CD8B2: variants seen among roughly 807,000 people sequenced by gnomAD.
The protein encoded by CD8B2 is T-cell surface glycoprotein CD8 beta-2 chain.
In CD8B2, 11 loss-of-function variants were observed where a neutral mutation model predicts 23.7. That is an observed-to-expected ratio of 0.46 (90% CI 0.29 to 0.77). CD8B2 has a LOEUF of 0.77. CD8B2 is among the 30% of genes least tolerant of loss of function. The probability of loss-of-function intolerance (pLI) is 0.09; values close to 1 mark genes in which losing one functional copy is unlikely to be tolerated. For missense variants in CD8B2, 197 were observed against 270.5 expected (o/e 0.73, Z 1.91); for synonymous variants, 90 against 109.3 (o/e 0.82, Z 1.10).
At chr2:106,543,407 A>G (rs910284387) in intron 5 of CD8B2, among the ~76,000 whole-genome samples, 1 of 152,080 alleles carries the variant, frequency 6.6e-6, no homozygotes, top group Non-Finnish European at 1.5e-5. Context: ...GCACCCACCT[A>G]TGGTCCCAGC....
chr2:106,541,779 G>A (rs1680177688), intron 5 of CD8B2, among the ~76,000 whole-genome samples: 1 of 152,154 alleles, frequency 6.6e-6, no homozygotes, highest in African/African-American at 2.4e-5. Flanking sequence ...ATTGCAGGTT[G>A]CAGTTTAAAA....
chr2:106,534,007 C>T (rs1329532316), intron 5 of CD8B2, among the ~76,000 whole-genome samples: 1 of 152,228 alleles, frequency 6.6e-6, no homozygotes, highest in Non-Finnish European at 1.5e-5. Flanking sequence ...AAGCCTCCTG[C>T]TGGGAGTCCT....
intron 5 of CD8B2, among the ~76,000 whole-genome samples, chr2:106,530,336 G>C (rs1679974083): frequency 6.6e-6 from 1 of 152,016 alleles, no homozygotes; most frequent in South Asian, 2.1e-4. Flanking sequence ...AACAGGGAGG[G>C]AGGTTTTGCC....
intron 2 of CD8B2, among the ~76,000 whole-genome samples, chr2:106,494,377 A>G (rs920728700): frequency 1.7e-4 from 26 of 151,776 alleles, no homozygotes; most frequent in Non-Finnish European, 2.9e-4. Context: ...TGGATTCCTG[A>G]CCTCAGGTGA....
intron 3 of CD8B2, among the ~76,000 whole-genome samples, chr2:106,502,013 T>C (rs1158628007): frequency 1.3e-5 from 2 of 152,048 alleles, no homozygotes; most frequent in Non-Finnish European, 2.9e-5. Context: ...GACTAGACGA[T>C]GGCTGGACAT....
At chr2:106,501,823 A>G (rs1467695005) in intron 3 of CD8B2, among the ~76,000 whole-genome samples, 2 of 152,262 alleles carry the variant, frequency 1.3e-5, no homozygotes, top group Non-Finnish European at 2.9e-5. Flanking sequence ...CTAATCCTAT[A>G]TTTAAATGTC....
At chr2:106,489,522 G>C in intron 1 of CD8B2, among the ~76,000 whole-genome samples, 1 of 152,110 alleles carries the variant, frequency 6.6e-6, no homozygotes, top group East Asian at 1.9e-4. Context: ...CCAGGTCTGT[G>C]TCCTCTCTGT....
intron 5 of CD8B2, among the ~76,000 whole-genome samples, chr2:106,520,238 A>C (rs936211012): frequency 1.3e-5 from 2 of 152,252 alleles, no homozygotes; most frequent in African/African-American, 4.8e-5. Flanking sequence ...AGACCCAATA[A>C]ATAAAATCTG....
At chr2:106,514,605 A>C (rs1279233081), downstream of CD8B2, among the ~76,000 whole-genome samples, 2 of 151,376 alleles carry the variant, frequency 1.3e-5, no homozygotes, top group African/African-American at 4.9e-5. Flanking sequence ...CTGTCTTATA[A>C]ATTTTTCCTA....
chr2:106,491,382 C>T, intron 2 of CD8B2, 149 bp downstream of exon 2: 1 of 690,614 alleles, frequency 1.4e-6, no homozygotes. Flanking sequence ...CATGTGGAGA[C>T]TTACCCAGGC....
intron 5 of CD8B2, among the ~76,000 whole-genome samples, chr2:106,537,622 C>G (rs1467567021): frequency 7.2e-6 from 1 of 139,406 alleles, no homozygotes. Context: ...TGCCCTTCAG[C>G]TCTCTAAACA....
intron 5 of CD8B2, among the ~76,000 whole-genome samples, chr2:106,524,255 T>C (rs543946203): frequency 3.9e-5 from 6 of 152,324 alleles, no homozygotes; most frequent in African/African-American, 1.2e-4. Flanking sequence ...AGTTCTATTT[T>C]CATACATGGT....
chr2:106,496,053 C>A (rs1679293551), intron 2 of CD8B2, 120 bp from the exon 3 acceptor site: 1 of 1,508,552 alleles, frequency 6.6e-7, no homozygotes. Flanking sequence ...CTGCCTTGGC[C>A]TCCGGAAGTG....
chr2:106,521,007 AT>A (rs1372834436), intron 5 of CD8B2, among the ~76,000 whole-genome samples: 14 of 147,004 alleles, frequency 9.5e-5, no homozygotes, highest in African/African-American at 2.8e-4. Flanking sequence ...CAAAAAAAAA[AT>A]CATAATGTTT....
intron 4 of CD8B2, 146 bp from the exon 5 acceptor site, chr2:106,504,143 A>G (rs1007833995): frequency 6.4e-6 from 6 of 942,042 alleles, no homozygotes; most frequent in Admixed American, 2.9e-5. Context: ...GGGGATTAAA[A>G]TGTGTAAAGT....
At chr2:106,542,201 T>C (rs962272961) in intron 5 of CD8B2, among the ~76,000 whole-genome samples, 3 of 152,246 alleles carry the variant, frequency 2.0e-5, no homozygotes, top group Non-Finnish European at 4.4e-5. Context: ...TCCGTCTCTG[T>C]TGTCTGCACA....
At chr2:106,522,954 C>T (rs1274299771) in intron 5 of CD8B2, among the ~76,000 whole-genome samples, 2 of 152,110 alleles carry the variant, frequency 1.3e-5, no homozygotes, top group Non-Finnish European at 2.9e-5. Context: ...TAGAGACCCC[C>T]ACTTGACTTA....
At chr2:106,523,094 C>T (rs761419420) in intron 5 of CD8B2, among the ~76,000 whole-genome samples, 3 of 152,166 alleles carry the variant, frequency 2.0e-5, no homozygotes, top group Non-Finnish European at 2.9e-5. Context: ...GGCAAGGGAG[C>T]TCTCAAGGTG....
At chr2:106,540,464 C>T (rs188271741) in intron 5 of CD8B2, among the ~76,000 whole-genome samples, 6 of 152,282 alleles carry the variant, frequency 3.9e-5, no homozygotes, top group African/African-American at 1.2e-4. Context: ...TTTAGCAAGT[C>T]GGCTTGTTGT....
Sources: allele counts gnomAD v4.1 joint callset (sites outside exome capture counted in the v4.1 genomes callset), GRCh38; gene constraint gnomAD v4.1.1; transcripts MANE v1.5; gene names NCBI Gene and HGNC (gene_info 2026-07-23, HGNC 2026-07-21).